Variants in OSBPL1A observed in about 807,000 individuals in gnomAD.
The protein encoded by OSBPL1A is oxysterol-binding protein-related protein 1.
OSBPL1A carries 80 observed loss-of-function variants against 137.1 expected under a neutral mutation model. The observed-to-expected ratio is 0.58, with a 90% confidence interval of 0.49 to 0.70. The LOEUF (loss-of-function observed/expected upper bound fraction) is 0.70, where lower values mean the gene tolerates loss of function less well. Ranked by LOEUF, OSBPL1A falls within the 30% of genes least tolerant of loss-of-function variation. The pLI is 0.00. For synonymous variants in OSBPL1A, 365 were observed against 389.7 expected, an observed-to-expected ratio of 0.94 and a Z score of 0.75; for missense variants, 970 against 1,129.4, an observed-to-expected ratio of 0.86 and a Z score of 2.02.
intron 17 of OSBPL1A, among the ~76,000 whole-genome samples, chr18:24,218,103 C>T (rs2087764749): frequency 6.6e-6 from 1 of 152,028 alleles, no homozygotes; most frequent in Non-Finnish European, 1.5e-5. Context: ...ACTTTGGGAT[C>T]CTATTACTAA....
chr18:24,272,012 G>C, intron 15 of OSBPL1A: 1 of 981,486 alleles, frequency 1.0e-6, no homozygotes. Context: ...TGCGGCGGGC[G>C]GCTCCCTGCG....
At chr18:24,333,151 C>G in intron 6 of OSBPL1A, 65 bp from the exon 7 acceptor site, 1 of 1,547,788 alleles carries the variant, frequency 6.5e-7, no homozygotes, top group East Asian at 2.3e-5. Context: ...TCATAATTCA[C>G]AGGAGGGTGT....
intron 2 of OSBPL1A, among the ~76,000 whole-genome samples, chr18:24,375,579 C>T (rs1906046704): frequency 6.6e-6 from 1 of 152,142 alleles, no homozygotes. Context: ...AACTCCTACT[C>T]TTTCACATTT....
chr18:24,206,537 T>TA (rs1315632669), intron 17 of OSBPL1A, among the ~76,000 whole-genome samples: 1 of 152,224 alleles, frequency 6.6e-6, no homozygotes, highest in East Asian at 1.9e-4. Context: ...AAGAACATAC[T>TA]AATAAATCCC....
intron 4 of OSBPL1A, among the ~76,000 whole-genome samples, chr18:24,359,381 C>T (rs931553942): frequency 6.6e-6 from 1 of 151,952 alleles, no homozygotes; most frequent in African/African-American, 2.4e-5. Flanking sequence ...AGCCACTACA[C>T]CCGGCTCTGG....
chr18:24,360,502 T>C (rs897061685), intron 4 of OSBPL1A, among the ~76,000 whole-genome samples: 3 of 152,238 alleles, frequency 2.0e-5, no homozygotes, highest in Non-Finnish European at 4.4e-5. Flanking sequence ...ATTGAGCACA[T>C]ACATTTTTTA....
chr18:24,357,287 C>G (rs901719021), intron 4 of OSBPL1A: 3 of 152,126 alleles, frequency 2.0e-5, no homozygotes, highest in African/African-American at 7.2e-5. Context: ...AAAAGATAGT[C>G]ATGCCTTTGT....
intron 4 of OSBPL1A, among the ~76,000 whole-genome samples, chr18:24,362,395 C>T (rs1251665021): frequency 6.6e-6 from 1 of 152,084 alleles, no homozygotes; most frequent in Non-Finnish European, 1.5e-5. Context: ...GTTAAGACTC[C>T]ATATCTGGTT....
At chr18:24,266,798 C>T (rs2089586955) in intron 15 of OSBPL1A, among the ~76,000 whole-genome samples, 2 of 147,944 alleles carry the variant, frequency 1.4e-5, no homozygotes, top group Non-Finnish European at 2.9e-5. Flanking sequence ...GTGATACATT[C>T]ACGAAATTAC....
chr18:24,248,759 G>C (rs1188992489), intron 15 of OSBPL1A, among the ~76,000 whole-genome samples: 1 of 152,004 alleles, frequency 6.6e-6, no homozygotes, highest in Admixed American at 6.5e-5. Context: ...AGAAAGACTT[G>C]GTAAATAAAT....
chr18:24,320,449 T>C (rs900298578), intron 7 of OSBPL1A, among the ~76,000 whole-genome samples: 1 of 152,086 alleles, frequency 6.6e-6, no homozygotes, highest in African/African-American at 2.4e-5. Context: ...AAGGGATGTC[T>C]AGGTTGAAAA....
chr18:24,360,668 G>T (rs1026637442), intron 4 of OSBPL1A, among the ~76,000 whole-genome samples: 2 of 152,132 alleles, frequency 1.3e-5, no homozygotes, highest in African/African-American at 4.8e-5. Flanking sequence ...TCGATTCTTG[G>T]AGGGGGCCAA....
chr18:24,267,098 A>G (rs1234707135), intron 15 of OSBPL1A, among the ~76,000 whole-genome samples: 1 of 151,760 alleles, frequency 6.6e-6, no homozygotes, highest in African/African-American at 2.4e-5. Flanking sequence ...AGTATTAGAA[A>G]AAAGAAAATG....
At chr18:24,276,349 A>G (rs1467389188) in intron 15 of OSBPL1A, among the ~76,000 whole-genome samples, 1 of 152,158 alleles carries the variant, frequency 6.6e-6, no homozygotes, top group Non-Finnish European at 1.5e-5. Flanking sequence ...TACCCTAAAA[A>G]CAGCATCTAG....
At chr18:24,368,595 G>A (rs931109906) in intron 2 of OSBPL1A, 2 of 437,420 alleles carry the variant, frequency 4.6e-6, no homozygotes, top group African/African-American at 3.9e-5. Context: ...CACCTCTAAA[G>A]GGATAGAGGG....
chr18:24,341,518 C>T (rs753638232), intron 5 of OSBPL1A, 29 bp downstream of exon 5: 2 of 1,521,856 alleles, frequency 1.3e-6, no homozygotes, highest in Non-Finnish European at 1.8e-6. Flanking sequence ...AAAGTAAATG[C>T]TGTTTATGTT....
intron 4 of OSBPL1A, among the ~76,000 whole-genome samples, chr18:24,353,548 C>T (rs1024409751): frequency 6.6e-6 from 1 of 151,568 alleles, no homozygotes; most frequent in African/African-American, 2.4e-5. Flanking sequence ...TACCATTTGA[C>T]CCAGCCATCC....
intron 13 of OSBPL1A, among the ~76,000 whole-genome samples, chr18:24,304,340 TA>T (rs1310040415): frequency 6.6e-6 from 1 of 152,188 alleles, no homozygotes; most frequent in Non-Finnish European, 1.5e-5. Flanking sequence ...CAAAAAAACA[TA>T]AATATAGAAT....
Position 24,318,747 on chromosome 18 carries a change from C to T in OSBPL1A, c.687+1G>A. The T allele has an allele frequency of 6.2e-7, 1 of 1,611,952 alleles. No homozygotes were observed. The highest frequency in any genetic ancestry group is 8.5e-7 in the Non-Finnish European group (1 of 1,179,178). On this transcript the variant is annotated splice_donor_variant, in intron 8 of 27. Transcript: ENST00000319481. LOFTEE classifies it high-confidence loss of function. ...GATAAATTTAATTCATTACTCTGTACCTTATTACCAACAAGAATGTGTTTC... is the reference window on the plus strand; with the variant it reads ...GATAAATTTAATTCATTACTCTGTATCTTATTACCAACAAGAATGTGTTTC...
Sources: allele counts gnomAD v4.1 joint callset (sites outside exome capture counted in the v4.1 genomes callset), GRCh38; gene constraint gnomAD v4.1.1; transcripts MANE v1.5; gene names NCBI Gene and HGNC (gene_info 2026-07-23, HGNC 2026-07-21).